Variants in RBFOX1 observed in about 807,000 individuals in gnomAD.
RBFOX1 encodes RNA binding fox-1 homolog 1.
Under a neutral mutation model 57.7 loss-of-function variants are expected in RBFOX1, and 8 were observed. That is an observed-to-expected ratio of 0.14 (90% CI 0.08 to 0.25). The LOEUF (loss-of-function observed/expected upper bound fraction) is 0.25, where lower values mean the gene tolerates loss of function less well. RBFOX1 is among the 10% of genes least tolerant of loss of function. RBFOX1 has a pLI of 1.00. For missense variants in RBFOX1, 611 were observed against 548.5 expected (o/e 1.11, Z -1.14); for synonymous variants, 326 against 222.4 (o/e 1.47, Z -4.15).
intron 3 of RBFOX1, among the ~76,000 whole-genome samples, chr16:5,672,366 A>T (rs926955299): frequency 2.0e-5 from 3 of 152,206 alleles, no homozygotes; most frequent in Non-Finnish European, 4.4e-5. Context: ...TGCTGTCTCT[A>T]GTGCTTCCCA....
intron 1 of RBFOX1, among the ~76,000 whole-genome samples, chr16:5,459,120 C>T (rs887168403): frequency 2.0e-5 from 3 of 152,226 alleles, no homozygotes; most frequent in Non-Finnish European, 2.9e-5. Flanking sequence ...CTCAGAGTCT[C>T]TGGTGAACCT....
At chr16:6,863,829 C>G (rs1603633857) in intron 3 of RBFOX1, among the ~76,000 whole-genome samples, 1 of 143,732 alleles carries the variant, frequency 7.0e-6, no homozygotes, top group Non-Finnish European at 1.5e-5. Flanking sequence ...TGAAAGGAGC[C>G]AAATCAGGTA....
chr16:5,255,320 C>A (rs7500973), intron 1 of RBFOX1, among the ~76,000 whole-genome samples: 2 of 116,394 alleles, frequency 1.7e-5, no homozygotes, highest in East Asian at 2.6e-4. Context: ...GTCCACACTT[C>A]CTTCCATCCA....
intron 2 of RBFOX1, among the ~76,000 whole-genome samples, chr16:6,545,987 C>T (rs2096889501): frequency 6.6e-6 from 1 of 152,148 alleles, no homozygotes; most frequent in East Asian, 1.9e-4. Flanking sequence ...TTCTCTGGGC[C>T]ACTTTGGAAG....
intron 2 of RBFOX1, among the ~76,000 whole-genome samples, chr16:5,478,719 C>G (rs1249780197): frequency 2.0e-5 from 3 of 152,092 alleles, no homozygotes; most frequent in Non-Finnish European, 2.9e-5. Flanking sequence ...CTGTGTAAAC[C>G]CCAGCACGAG....
chr16:5,616,335 C>T (rs1391757326), intron 3 of RBFOX1: 1 of 152,300 alleles, frequency 6.6e-6, no homozygotes, highest in Admixed American at 6.5e-5. Flanking sequence ...CGGACACCGC[C>T]CCTGGGAGGG....
Position 5,743,258 on chromosome 16 carries a change from T to C in RBFOX1, c.319-124045T>C, listed in dbSNP as rs182507741. Among the ~76,000 whole-genome samples the C allele has an allele frequency of 2.0e-3, 302 of 152,262 alleles. 3 individuals carry two copies. Among genetic ancestry groups the C allele is most frequent in the African/African-American group, 6.5e-3 (271 of 41,556 alleles). The stretch of plus-strand genomic sequence containing the variant: ...ACTCACATCCCAGGGGTAAATTTAA[T>C]TGGGGGACTGGGTGGGCACCTTCTG... On this transcript the variant is annotated intron_variant, in intron 3 of 19. Transcript: ENST00000641259.
At chr16:6,052,711 G>A (rs1238517007) in intron 1 of RBFOX1, among the ~76,000 whole-genome samples, 3 of 151,806 alleles carry the variant, frequency 2.0e-5, no homozygotes, top group Non-Finnish European at 2.9e-5. Flanking sequence ...GTGAACCCGG[G>A]AGGCGGAGCT....
At chr16:7,214,538 C>T (rs11646022) in intron 4 of RBFOX1, among the ~76,000 whole-genome samples, 63,728 of 151,576 alleles carry the variant, frequency 0.42, 14,193 homozygotes, top group African/African-American at 0.51. Flanking sequence ...GACAGGAAAC[C>T]GCTGTGGTTT....
intron 1 of RBFOX1, among the ~76,000 whole-genome samples, chr16:5,295,936 A>G (rs1008921230): frequency 2.0e-5 from 3 of 152,216 alleles, no homozygotes; most frequent in African/African-American, 4.8e-5. Context: ...AGTATGCATG[A>G]ATGCCCCTTA....
At chr16:7,271,481 G>A (rs766878847) in intron 4 of RBFOX1, among the ~76,000 whole-genome samples, 2 of 151,686 alleles carry the variant, frequency 1.3e-5, no homozygotes, top group Non-Finnish European at 2.9e-5. Context: ...CAGTTTCTTT[G>A]TATCACTTGG....
intron 4 of RBFOX1, among the ~76,000 whole-genome samples, chr16:7,410,830 CGTGTGTGTGTGT>C (rs56755477): frequency 0.052 from 7,767 of 150,212 alleles, 259 homozygotes; most frequent in Non-Finnish European, 0.07. Flanking sequence ...TGAGTTTTCA[CGTGTGTGTGTGT>C]GTGTGTGTGT....
chr16:7,579,206 A>G (rs376993302), intron 5 of RBFOX1, among the ~76,000 whole-genome samples: 1 of 152,228 alleles, frequency 6.6e-6, no homozygotes, highest in African/African-American at 2.4e-5. Flanking sequence ...CCTCAAAAGA[A>G]TAAGTCAATC....
intron 11 of RBFOX1, among the ~76,000 whole-genome samples, chr16:7,631,891 G>A (rs1018162428): frequency 6.6e-6 from 1 of 152,130 alleles, no homozygotes; most frequent in African/African-American, 2.4e-5. Context: ...TCTTCAGGAG[G>A]TCTGACAGCC....
chr16:5,264,567 C>T (rs2062813111), intron 1 of RBFOX1, among the ~76,000 whole-genome samples: 1 of 152,150 alleles, frequency 6.6e-6, no homozygotes, highest in Non-Finnish European at 1.5e-5. Flanking sequence ...TGTATATATT[C>T]TATTGTATTA....
intron 2 of RBFOX1, among the ~76,000 whole-genome samples, chr16:6,477,411 C>G (rs556686731): frequency 6.6e-6 from 1 of 152,264 alleles, no homozygotes; most frequent in South Asian, 2.1e-4. Flanking sequence ...ACACTTATGT[C>G]CTTGTGCTTC....
chr16:6,401,601 AT>A (rs1247075358), intron 2 of RBFOX1, among the ~76,000 whole-genome samples: 1 of 151,984 alleles, frequency 6.6e-6, no homozygotes, highest in Non-Finnish European at 1.5e-5. Context: ...AAATATGATC[AT>A]TTTTCAGTCA....
intron 3 of RBFOX1, among the ~76,000 whole-genome samples, chr16:5,622,843 G>A (rs1399753285): frequency 6.6e-6 from 1 of 152,168 alleles, no homozygotes; most frequent in East Asian, 1.9e-4. Flanking sequence ...TTACGTGTAC[G>A]ATGGCTGCGT....
At chr16:6,792,594 C>T (rs8044854) in intron 3 of RBFOX1, among the ~76,000 whole-genome samples, 4,975 of 152,252 alleles carry the variant, frequency 0.033, 127 homozygotes, top group Non-Finnish European at 0.042. Flanking sequence ...CCTCCTACTA[C>T]GAAGTCAGGG....
Sources: allele counts gnomAD v4.1 joint callset (sites outside exome capture counted in the v4.1 genomes callset), GRCh38; gene constraint gnomAD v4.1.1; transcripts MANE v1.5; gene names NCBI Gene and HGNC (gene_info 2026-07-23, HGNC 2026-07-21).